Variants in DDAH1 observed in about 807,000 individuals in gnomAD.
The protein encoded by DDAH1 is dimethylarginine dimethylaminohydrolase 1.
A neutral mutation model predicts 28.8 loss-of-function variants in DDAH1; 19 were observed. The observed-to-expected ratio is 0.66, with a 90% confidence interval of 0.46 to 0.97. The LOEUF (loss-of-function observed/expected upper bound fraction) is 0.97. Among genes scored for constraint, DDAH1 ranks in the 50% least tolerant of loss-of-function variants. The pLI is 0.00. For synonymous variants in DDAH1, 153 were observed against 154.4 expected, an observed-to-expected ratio of 0.99 and a Z score of 0.07; for missense variants, 326 against 375.9, an observed-to-expected ratio of 0.87 and a Z score of 1.10.
intron 1 of DDAH1, among the ~76,000 whole-genome samples, chr1:85,440,794 G>A (rs1287522483): frequency 6.9e-6 from 1 of 145,034 alleles, no homozygotes; most frequent in Non-Finnish European, 1.5e-5. Context: ...TCTGTCAAAA[G>A]TCTGGGCAGG....
At position 85,465,119 on chromosome 1, in the gene DDAH1, C is replaced by T. The variant is rs879660455; in HGVS notation, c.-74G>A. The T allele has an allele frequency of 3.5e-4, 412 of 1,178,436 alleles. 1 individual carries two copies. Among genetic ancestry groups the T allele is most frequent in the Non-Finnish European group, 4.0e-4 (385 of 954,666 alleles). 73.0% of individuals were successfully genotyped at this position (1,178,436 alleles called of 1,614,324 possible). The stretch of plus-strand genomic sequence containing the variant: ...CTGCCGCGGGCAGCGCGCGCTGAGC[C>T]TGCGAGCGCCCGTCGGCTCCTCTTG... On this transcript the variant is annotated 5_prime_UTR_variant, in exon 1 of 6. Coordinates refer to ENST00000284031, the MANE Select transcript of DDAH1 (RefSeq NM_012137.4).
At chr1:85,489,915 G>A (rs532530590) in intron 2 of DDAH1, among the ~76,000 whole-genome samples, 2 of 152,174 alleles carry the variant, frequency 1.3e-5, no homozygotes, top group South Asian at 2.1e-4. Context: ...AAATGATCAC[G>A]GAGGGAAGAA....
intron 1 of DDAH1, among the ~76,000 whole-genome samples, chr1:85,526,635 G>A (rs1456471785): frequency 2.0e-5 from 3 of 149,638 alleles, no homozygotes; most frequent in Non-Finnish European, 3.0e-5. Flanking sequence ...ACCAAGAGAA[G>A]GGGCTGAGTT....
chr1:85,512,066 A>G (rs1299156036), intron 1 of DDAH1, among the ~76,000 whole-genome samples: 8 of 152,226 alleles, frequency 5.3e-5, no homozygotes, highest in Non-Finnish European at 1.2e-4. Context: ...TTTTAGACCA[A>G]TATCTCTGAT....
intron 1 of DDAH1, among the ~76,000 whole-genome samples, chr1:85,533,375 T>C (rs1384015573): frequency 6.6e-6 from 1 of 152,138 alleles, no homozygotes; most frequent in East Asian, 1.9e-4. Context: ...CTCACTATAT[T>C]GTCCAGGGTG....
rs1220469939 is a variant in DDAH1 at position 85,319,053 on chromosome 1, T to C, written c.*2399A>G. ...AAAGCAGTTTCCGTTAGTTTATCCA[T>C]TGGTGTATATCACAACAGATGAGGA... is the stretch of plus-strand genomic sequence containing the variant. On this transcript the variant is annotated 3_prime_UTR_variant, in exon 6 of 6. Coordinates refer to ENST00000284031, the MANE Select transcript of DDAH1 (RefSeq NM_012137.4). 6.6e-6 allele frequency: 1 copy of C among 152,270 alleles called. No homozygotes were observed. The highest frequency in any genetic ancestry group is 1.5e-5 in the Non-Finnish European group (1 of 68,042). 9.4% of individuals were successfully genotyped at this position (152,270 alleles called of 1,614,324 possible).
chr1:85,345,997 C>T (rs968291536), intron 4 of DDAH1, among the ~76,000 whole-genome samples: 1 of 152,196 alleles, frequency 6.6e-6, no homozygotes, highest in Non-Finnish European at 1.5e-5. Context: ...CTACTATAAT[C>T]TCAAATGGCA....
chr1:85,498,782 G>A (rs1211507785), intron 1 of DDAH1, among the ~76,000 whole-genome samples: 1 of 151,966 alleles, frequency 6.6e-6, no homozygotes, highest in Non-Finnish European at 1.5e-5. Flanking sequence ...ATTAGCCGGA[G>A]GTAGTGGCGT....
chr1:85,484,852 T>C (rs1656147625), intron 2 of DDAH1, among the ~76,000 whole-genome samples: 1 of 152,208 alleles, frequency 6.6e-6, no homozygotes. Flanking sequence ...TCTGGAAACA[T>C]ACAGGCTGAA....
intron 4 of DDAH1, among the ~76,000 whole-genome samples, chr1:85,339,261 T>C (rs920982136): frequency 6.6e-6 from 1 of 152,192 alleles, no homozygotes; most frequent in Admixed American, 6.5e-5. Context: ...TCATTGTTGT[T>C]GTTTTTGGAA....
chr1:85,360,630 T>C (rs1649734723), intron 1 of DDAH1, among the ~76,000 whole-genome samples: 1 of 152,166 alleles, frequency 6.6e-6, no homozygotes, highest in Admixed American at 6.5e-5. Context: ...TTTCAAAGAT[T>C]AGGAGGAGTT....
intron 1 of DDAH1, among the ~76,000 whole-genome samples, chr1:85,436,276 G>T: frequency 6.6e-6 from 1 of 151,522 alleles, no homozygotes. Flanking sequence ...TTTAACCTCT[G>T]GAAGAAACTT....
chr1:85,519,567 A>G (rs1657601146), intron 1 of DDAH1, among the ~76,000 whole-genome samples: 1 of 152,228 alleles, frequency 6.6e-6, no homozygotes, highest in Admixed American at 6.5e-5. Flanking sequence ...TTTTAAAATG[A>G]TTACTTACAC....
intron 2 of DDAH1, among the ~76,000 whole-genome samples, chr1:85,476,162 T>C (rs936401961): frequency 6.6e-6 from 1 of 152,218 alleles, no homozygotes; most frequent in Non-Finnish European, 1.5e-5. Flanking sequence ...ATGTCCAGCC[T>C]CAAGATAGTT....
chr1:85,525,487 G>A (rs1314448649), intron 1 of DDAH1, among the ~76,000 whole-genome samples: 1 of 151,968 alleles, frequency 6.6e-6, no homozygotes, highest in Non-Finnish European at 1.5e-5. Flanking sequence ...AAGTGTCAGG[G>A]AATTGCTGTA....
chr1:85,471,788 G>A (rs1655629351), intron 2 of DDAH1, among the ~76,000 whole-genome samples: 1 of 152,232 alleles, frequency 6.6e-6, no homozygotes, highest in Non-Finnish European at 1.5e-5. Context: ...AACACTCAGT[G>A]CTTTCTGCAC....
intron 5 of DDAH1, among the ~76,000 whole-genome samples, chr1:85,321,847 G>C (rs1406246003): frequency 1.3e-5 from 2 of 152,206 alleles, no homozygotes; most frequent in African/African-American, 4.8e-5. Context: ...GCTAGATTAA[G>C]TGGTACATGG....
At chr1:85,553,731 G>A (rs1387489468) in intron 1 of DDAH1, among the ~76,000 whole-genome samples, 2 of 152,208 alleles carry the variant, frequency 1.3e-5, no homozygotes, top group Non-Finnish European at 2.9e-5. Flanking sequence ...TGCATCTGGG[G>A]ACTGTCAGCA....
intron 1 of DDAH1, among the ~76,000 whole-genome samples, chr1:85,548,093 C>T (rs1241590805): frequency 6.6e-6 from 1 of 152,166 alleles, no homozygotes; most frequent in Non-Finnish European, 1.5e-5. Flanking sequence ...ATATGCAATA[C>T]CTTTTTTCAA....
Sources: gnomAD v4.1 joint callset for allele counts (sites outside exome capture counted in the v4.1 genomes callset) on GRCh38, gnomAD v4.1.1 for gene constraint, MANE v1.5 for transcripts, NCBI Gene and HGNC (gene_info 2026-07-23, HGNC 2026-07-21) for gene names.